The following NBAS variants were observed in gnomAD, a reference collection of about 807,000 sequenced individuals.
NBAS encodes the protein NBAS subunit of NRZ tethering complex, also known as NAG/BC035112 fusion.
Under a neutral mutation model 302.5 loss-of-function variants are expected in NBAS, and 219 were observed. The ratio of observed to expected loss-of-function variants is 0.72; its 90% confidence interval spans 0.65 to 0.81. The LOEUF (loss-of-function observed/expected upper bound fraction) is 0.81. Ranked by LOEUF, NBAS falls within the 30% of genes least tolerant of loss-of-function variation. The pLI is 0.00. For synonymous variants in NBAS, 1,118 were observed against 1,021.6 expected (o/e 1.09, Z -1.80); for missense variants, 2,932 against 2,841.6 (o/e 1.03, Z -0.72).
At chr2:14,920,472 T>C in the NBAS span, among the ~76,000 whole-genome samples, 1 of 152,210 alleles carries the variant, frequency 6.6e-6, no homozygotes, top group Non-Finnish European at 1.5e-5. Context: ...CAGGATAGTC[T>C]GTCTGTCCTT....
At chr2:14,858,901 A>G in the NBAS span, among the ~76,000 whole-genome samples, 1 of 152,078 alleles carries the variant, frequency 6.6e-6, no homozygotes, top group East Asian at 1.9e-4. Context: ...ATTATTATGC[A>G]TTGCATACCT....
the NBAS span, among the ~76,000 whole-genome samples, chr2:14,939,810 C>G: frequency 6.6e-6 from 1 of 152,218 alleles, no homozygotes; most frequent in South Asian, 2.1e-4. Context: ...TTCTATGAAA[C>G]TTTAAAATCA....
At chr2:15,495,420 T>C (rs1373906504) in intron 11 of NBAS, among the ~76,000 whole-genome samples, 1 of 151,906 alleles carries the variant, frequency 6.6e-6, no homozygotes, top group Non-Finnish European at 1.5e-5. Flanking sequence ...ACTATAAAGA[T>C]GCAATGAGTA....
chr2:15,346,602 C>A (rs1034800343), intron 35 of NBAS, among the ~76,000 whole-genome samples: 4 of 152,158 alleles, frequency 2.6e-5, no homozygotes, highest in African/African-American at 9.7e-5. Flanking sequence ...GGCAATTTCT[C>A]AAGGATCTAG....
At chr2:15,540,732 T>G (rs1663772253) in intron 6 of NBAS, among the ~76,000 whole-genome samples, 1 of 151,468 alleles carries the variant, frequency 6.6e-6, no homozygotes, top group Non-Finnish European at 1.5e-5. Flanking sequence ...GTTTTTTGTT[T>G]TTTTTTTTGA....
intron 33 of NBAS, among the ~76,000 whole-genome samples, chr2:15,355,570 C>A (rs945150079): frequency 9.9e-5 from 15 of 152,102 alleles, no homozygotes; most frequent in Admixed American, 8.5e-4. Context: ...ATCCCCAGTG[C>A]TGGAGGTGGG....
At chr2:15,316,885 A>T (rs182116985) in intron 38 of NBAS, among the ~76,000 whole-genome samples, 334 of 152,302 alleles carry the variant, frequency 2.2e-3, no homozygotes, top group African/African-American at 7.9e-3. Context: ...TTCTCCCAGC[A>T]TAGCGTTTGA....
At position 15,424,369 on chromosome 2, in the gene NBAS, C is replaced by T; in HGVS notation, c.2523G>A (p.Lys841=). 6.2e-7 allele frequency: 1 copy of T among 1,614,098 alleles called. No homozygotes were observed. Among genetic ancestry groups the T allele is most frequent in the Non-Finnish European group, 8.5e-7 (1 of 1,179,992 alleles). Residue 841 remains lysine (K), a synonymous_variant, in exon 23 of 52, where the codon AAG becomes AAA. Coordinates refer to ENST00000281513, the MANE Select transcript of NBAS (RefSeq NM_015909.4). ...RFRMTQLTVE[K]VMDWYQTRAE... is the part of the protein sequence containing the mutation. ...CTCTGGTCTGATACCAGTCCATAAC[C>T]TTCTCCACCGTAAGCTGGGTCATCC... is the stretch of plus-strand genomic sequence containing the variant.
intron 6 of NBAS, among the ~76,000 whole-genome samples, chr2:15,542,670 C>A (rs1008321141): frequency 6.0e-5 from 9 of 151,194 alleles, no homozygotes; most frequent in African/African-American, 1.7e-4. Context: ...AAAAAAAAAT[C>A]AAACTTCAAA....
chr2:14,817,307 T>C, the NBAS span, among the ~76,000 whole-genome samples: 1 of 152,318 alleles, frequency 6.6e-6, no homozygotes, highest in South Asian at 2.1e-4. Flanking sequence ...ACTCCTAGGT[T>C]CCCTTTGAGA....
intron 40 of NBAS, among the ~76,000 whole-genome samples, chr2:15,294,904 T>C (rs1481447171): frequency 6.6e-6 from 1 of 152,204 alleles, no homozygotes; most frequent in African/African-American, 2.4e-5. Flanking sequence ...GTTTTCAGCC[T>C]GAACTTGCTG....
the NBAS span, among the ~76,000 whole-genome samples, chr2:14,973,016 T>C: frequency 1.3e-5 from 2 of 152,210 alleles, no homozygotes; most frequent in African/African-American, 4.8e-5. Flanking sequence ...CACTGCCTTT[T>C]CCCACACCCT....
chr2:15,329,516 G>T (rs561145159), intron 36 of NBAS, among the ~76,000 whole-genome samples: 4 of 152,270 alleles, frequency 2.6e-5, no homozygotes, highest in Admixed American at 2.0e-4. Flanking sequence ...AAGTAAAGTT[G>T]GATCACACAA....
At chr2:15,213,718 T>C (rs1400131915) in intron 48 of NBAS, among the ~76,000 whole-genome samples, 1 of 152,196 alleles carries the variant, frequency 6.6e-6, no homozygotes, top group Non-Finnish European at 1.5e-5. Flanking sequence ...GTGCACATAG[T>C]ACACATTCCA....
rs74727069 is a variant in NBAS at position 15,415,638 on chromosome 2, C to T, written c.2845G>A (p.Val949Met). The change falls in exon 25 of 52, where the codon GTG (valine) becomes ATG (methionine). Residue 949 changes from valine to methionine, a missense_variant. By Grantham distance (21) the Val-to-Met change is conservative. Coordinates refer to ENST00000281513, the MANE Select transcript of NBAS (RefSeq NM_015909.4). ...TATTCTTTTAATAGCTCATTAGCCA[C>T]ACCAGGCGACTGTTTCTCACAACGA... ...LHRCEKQSPG[V>M]ANELLKEYLV... 6.2e-7 allele frequency: 1 copy of T among 1,614,120 alleles called. No homozygotes were observed. Among genetic ancestry groups the T allele is most frequent in the Non-Finnish European group, 8.5e-7 (1 of 1,180,002 alleles).
intron 40 of NBAS, among the ~76,000 whole-genome samples, chr2:15,301,631 G>A (rs1422313596): frequency 6.6e-6 from 1 of 152,192 alleles, no homozygotes; most frequent in African/African-American, 2.4e-5. Context: ...GGCTCAGCAA[G>A]GCAGCTTATC....
the NBAS span, among the ~76,000 whole-genome samples, chr2:15,000,785 C>T: frequency 4.6e-5 from 7 of 152,160 alleles, no homozygotes; most frequent in African/African-American, 1.7e-4. Flanking sequence ...ATGGCTCAAG[C>T]CCAATGACAG....
chr2:15,504,622 C>T (rs1483728487), intron 10 of NBAS, among the ~76,000 whole-genome samples: 1 of 152,124 alleles, frequency 6.6e-6, no homozygotes, highest in African/African-American at 2.4e-5. Context: ...AAAAAGACTT[C>T]ATCATTAGAA....
Position 15,167,116 on chromosome 2 carries a change from C to A in NBAS, c.7048G>T (p.Val2350Leu), listed in dbSNP as rs138592420. 3 of 1,613,726 alleles carry A rather than the reference C, an allele frequency of 1.9e-6. No individual in the cohort carries two copies. The highest frequency in any genetic ancestry group is 2.7e-5 in the African/African-American group (2 of 74,946). The part of the protein sequence containing the change: ...EAEAGSLLLA[V>L]RGTHQAFRTF... ...CTGAAGGCCTGGTGAGTCCCCCTCACGGCCAGAAGGAGAGACCCGGCTTCG... is the reference window on the plus strand; with the variant it reads ...CTGAAGGCCTGGTGAGTCCCCCTCAAGGCCAGAAGGAGAGACCCGGCTTCG... The change falls in exon 52 of 52, where the codon GTG (valine) becomes TTG (leucine). Residue 2350 changes from valine (V) to leucine (L), a missense_variant. Val to Leu is a conservative substitution (Grantham distance 32). Coordinates refer to ENST00000281513, the MANE Select transcript of NBAS (RefSeq NM_015909.4).
Sources: allele counts gnomAD v4.1 joint callset (sites outside exome capture counted in the v4.1 genomes callset), GRCh38; gene constraint gnomAD v4.1.1; transcripts MANE v1.5; gene names NCBI Gene and HGNC (gene_info 2026-07-23, HGNC 2026-07-21).